KCNK2: variants seen among roughly 807,000 people sequenced by gnomAD.
The protein encoded by KCNK2 is potassium two pore domain channel subfamily K member 2.
Under a neutral mutation model 40.5 loss-of-function variants are expected in KCNK2, and 21 were observed. That is an observed-to-expected ratio of 0.52 (90% confidence interval 0.37 to 0.75). The LOEUF (loss-of-function observed/expected upper bound fraction) is 0.75, where lower values mean the gene tolerates loss of function less well. Ranked by LOEUF, KCNK2 falls within the 30% of genes least tolerant of loss-of-function variation. KCNK2 has a pLI of 0.00. For synonymous variants in KCNK2, 191 were observed against 202.2 expected (o/e 0.94, Z 0.47); for missense variants, 399 against 531.6 (o/e 0.75, Z 2.45).
At chr1:215,180,423 A>G (rs1664177393) in intron 5 of KCNK2, among the ~76,000 whole-genome samples, 1 of 152,010 alleles carries the variant, frequency 6.6e-6, no homozygotes, top group African/African-American at 2.4e-5. Flanking sequence ...GTTGCTTTGT[A>G]GTTTCTACTT....
chr1:215,073,222 G>A (rs185911738), intron 1 of KCNK2, among the ~76,000 whole-genome samples: 3 of 152,190 alleles, frequency 2.0e-5, no homozygotes, highest in East Asian at 1.9e-4. Context: ...AGAGAGCAAG[G>A]AATTGCAGAC....
chr1:215,173,850 A>G (rs1663831364), intron 5 of KCNK2, among the ~76,000 whole-genome samples: 1 of 152,068 alleles, frequency 6.6e-6, no homozygotes, highest in African/African-American at 2.4e-5. Flanking sequence ...GTTGGAGTTC[A>G]TTGTAGATTC....
rs146487853 is a variant in KCNK2, at chr1:215,105,765, T to C, written c.358-18868T>C. Reference sequence around the variant, plus strand: ...CCTTCCTTCTTCCCTGCTCTAGTAGTTCCCGGTGTCTGTTGTTCCCATCTT... The same window carrying C: ...CCTTCCTTCTTCCCTGCTCTAGTAGCTCCCGGTGTCTGTTGTTCCCATCTT... On this transcript the variant is annotated intron_variant, in intron 2 of 6. Coordinates refer to ENST00000444842, the MANE Select transcript of KCNK2 (RefSeq NM_001017425.3). 1.2e-3 allele frequency among the ~76,000 whole-genome samples: 177 copies of C among 152,088 alleles called. 1 individual carries two copies. The highest frequency in any genetic ancestry group is 0.01 in the Middle Eastern group (3 of 294).
chr1:215,044,094 T>C (rs1657661445), intron 1 of KCNK2, among the ~76,000 whole-genome samples: 2 of 152,156 alleles, frequency 1.3e-5, no homozygotes, highest in African/African-American at 4.8e-5. Context: ...GACACAAGGT[T>C]ACAAAAATGT....
In KCNK2 at chr1:215,235,013, C is replaced by A. The variant is rs1239931143; in HGVS notation, c.1149C>A (p.Thr383=). 1.2e-6 allele frequency: 2 copies of A among 1,613,966 alleles called. No homozygotes were observed. The highest frequency in any genetic ancestry group is 1.7e-6 in the Non-Finnish European group (2 of 1,179,998). Reference sequence around the variant, plus strand: ...AGGAGCTGACTCCTTGTAGGAGGACCCTGTCAGTGAACCACCTGACCAGCG... The same window carrying A: ...AGGAGCTGACTCCTTGTAGGAGGACACTGTCAGTGAACCACCTGACCAGCG... ...HNQELTPCRR[T]LSVNHLTSER... Residue 383 remains threonine, a synonymous_variant, in exon 7 of 7, where the codon ACC becomes ACA. Transcript: ENST00000444842.
At chr1:215,032,261 T>G (rs1657228221) in intron 1 of KCNK2, among the ~76,000 whole-genome samples, 1 of 151,820 alleles carries the variant, frequency 6.6e-6, no homozygotes, top group Non-Finnish European at 1.5e-5. Flanking sequence ...TGTTTTAAAA[T>G]TAGGCGGGTA....
Position 215,063,781 on chromosome 1 carries a change from G to T in KCNK2, c.35-22587G>T, listed in dbSNP as rs1041849160. On this transcript the variant is annotated intron_variant, in intron 1 of 6. Transcript: ENST00000391895. ...TTAGCCTTCTTTTCCTTAAGGAAGT[G>T]TCATACTGAGGGTCCTGGCAAGCAT... is the stretch of plus-strand genomic sequence containing the variant. Among the ~76,000 whole-genome samples the T allele has an allele frequency of 1.3e-4, 20 of 152,294 alleles. No homozygotes were observed. The East Asian group carries it at 3.5e-3, about 26-fold the overall frequency.
intron 1 of KCNK2, among the ~76,000 whole-genome samples, chr1:215,047,767 A>G (rs1481536162): frequency 1.3e-5 from 2 of 152,134 alleles, no homozygotes; most frequent in Admixed American, 6.6e-5. Flanking sequence ...CATCTAATCA[A>G]TCATATTTTC....
rs1666835246 is a variant in KCNK2 at position 215,235,269 on chromosome 1, C to G, written c.*124C>G. 1.4e-6 allele frequency: 1 copy of G among 714,064 alleles called. No individual in the cohort carries two copies. Among genetic ancestry groups the G allele is most frequent in the African/African-American group, 1.8e-5 (1 of 56,356 alleles). The allele number at this position is 714,064 out of a possible 1,614,324, so 44.2% of individuals were successfully genotyped here. Reference sequence around the variant, plus strand: ...CAAAGGGGGAACAAAATAGATACACCCATCATGGTCATCTATCATCAAGAG... The same window carrying G: ...CAAAGGGGGAACAAAATAGATACACGCATCATGGTCATCTATCATCAAGAG... On this transcript the variant is annotated 3_prime_UTR_variant, in exon 7 of 7. Transcript: ENST00000444842.
At chr1:215,078,954 T>C (rs1182028238), upstream of KCNK2, among the ~76,000 whole-genome samples, 1 of 152,184 alleles carries the variant, frequency 6.6e-6, no homozygotes, top group Non-Finnish European at 1.5e-5. Context: ...TTAATTTTAA[T>C]TTTCACTATG....
chr1:215,068,078 G>C (rs776672937), intron 1 of KCNK2, among the ~76,000 whole-genome samples: 1 of 146,414 alleles, frequency 6.8e-6, no homozygotes, highest in Non-Finnish European at 1.5e-5. Flanking sequence ...TCTTGGAAAT[G>C]TATCTCCCCA....
chr1:215,107,335 T>A (rs556004767), intron 2 of KCNK2, among the ~76,000 whole-genome samples: 1 of 152,174 alleles, frequency 6.6e-6, no homozygotes, highest in East Asian at 1.9e-4. Context: ...GGTATTTTAT[T>A]TTTTTGTATG....
rs1663592119 is a variant in KCNK2, at chr1:215,169,339, A to G, written c.616A>G (p.Lys206Glu). Residue 206 changes from lysine (K) to glutamate (E), a missense_variant, in exon 4 of 7, where the codon AAA (lysine) becomes GAA (glutamate). Lys to Glu is a moderately conservative substitution (Grantham distance 56, BLOSUM62 1). This residue lies in a region of KCNK2 where 279 missense variants were observed against 353.8 expected (regional missense o/e 0.79). Coordinates refer to ENST00000444842, the MANE Select transcript of KCNK2 (RefSeq NM_001017425.3). ...CACCATATTTGGAAAAGGAATTGCC[A>G]AAGTGGAAGATACGTTTATTGTGAG... is the stretch of plus-strand genomic sequence containing the variant. ...LGTIFGKGIA[K>E]VEDTFIKWNV... 3 of 1,611,730 alleles carry G rather than the reference A, an allele frequency of 1.9e-6. No individual in the cohort carries two copies. The highest frequency in any genetic ancestry group is 1.3e-5 in the African/African-American group (1 of 74,854).
In KCNK2 at chr1:215,089,909, C is replaced by T. The variant is rs146837446; in HGVS notation, c.357+3231C>T. Reference sequence around the variant, plus strand: ...TGGCGTGATCTCGGCTCACTGCAACCTCTGCCTCTTGGGTTCAAGTGATTC... The same window carrying T: ...TGGCGTGATCTCGGCTCACTGCAACTTCTGCCTCTTGGGTTCAAGTGATTC... On this transcript the variant is annotated intron_variant, in intron 2 of 6. Coordinates refer to ENST00000444842, the MANE Select transcript of KCNK2 (RefSeq NM_001017425.3). 9.2e-3 allele frequency among the ~76,000 whole-genome samples: 1,387 copies of T among 151,228 alleles called. 20 individuals are homozygous for T. The highest frequency in any genetic ancestry group is 0.032 in the African/African-American group (1,316 of 41,192).
At chr1:215,209,971 T>A (rs796090146) in intron 6 of KCNK2, among the ~76,000 whole-genome samples, 1 of 64,528 alleles carries the variant, frequency 1.5e-5, no homozygotes, top group Non-Finnish European at 2.7e-5. Flanking sequence ...TTTATATATA[T>A]TATATATATT....
chr1:215,159,731 A>C (rs1663110220), intron 3 of KCNK2, among the ~76,000 whole-genome samples: 1 of 152,142 alleles, frequency 6.6e-6, no homozygotes, highest in Admixed American at 6.5e-5. Context: ...CATACTCATA[A>C]AGTGTTTCCC....
chr1:215,208,191 GATT>G (rs1437074691), intron 6 of KCNK2, among the ~76,000 whole-genome samples: 1 of 152,126 alleles, frequency 6.6e-6, no homozygotes, highest in African/African-American at 2.4e-5. Context: ...AAAAGAATGA[GATT>G]ATGTCTTTTG....
chr1:215,202,997 C>T (rs1305967232), intron 6 of KCNK2, among the ~76,000 whole-genome samples: 1 of 151,914 alleles, frequency 6.6e-6, no homozygotes, highest in South Asian at 2.1e-4. Flanking sequence ...CCCCATTCTT[C>T]TCCTCCCTCC....
At chr1:215,232,080 C>T (rs974343615) in intron 6 of KCNK2, among the ~76,000 whole-genome samples, 23 of 152,144 alleles carry the variant, frequency 1.5e-4, no homozygotes, top group Admixed American at 9.8e-4. Flanking sequence ...TCATGCCTTT[C>T]GACCCAGTGT....
Sources: allele counts gnomAD v4.1 joint callset (sites outside exome capture counted in the v4.1 genomes callset), GRCh38; gene constraint gnomAD v4.1.1; regional missense constraint gnomAD v4.1.1; transcripts MANE v1.5; gene names NCBI Gene and HGNC (gene_info 2026-07-23, HGNC 2026-07-21).